LRRC4B: variants seen among roughly 807,000 people sequenced by gnomAD.
LRRC4B encodes the protein leucine rich repeat containing 4B, also known as leucine-rich repeat-containing protein 4B.
A neutral mutation model predicts 7.3 loss-of-function variants in LRRC4B; 1 was observed. That is an observed-to-expected ratio of 0.14 (90% CI 0.05 to 0.65). LRRC4B has a LOEUF of 0.65. Ranked by LOEUF, LRRC4B falls within the 30% of genes least tolerant of loss-of-function variation. The pLI, the probability that LRRC4B is intolerant of heterozygous loss-of-function variation, is 0.84. For missense variants in LRRC4B, 730 were observed against 1,041.6 expected (o/e 0.70, Z 4.12); for synonymous variants, 500 against 499.2 (o/e 1.00, Z -0.02).
intron 2 of LRRC4B, among the ~76,000 whole-genome samples, chr19:50,524,908 C>A (rs1980735928): frequency 1.3e-5 from 2 of 152,170 alleles, no homozygotes; most frequent in African/African-American, 2.4e-5. Context: ...GACACAGTCA[C>A]CTTTTGTCCA....
chr19:50,554,134 C>CA (rs1982194809), intron 1 of LRRC4B, among the ~76,000 whole-genome samples: 1 of 151,754 alleles, frequency 6.6e-6, no homozygotes, highest in South Asian at 2.1e-4. Context: ...GCTGAGACTA[C>CA]AGGCGCTCAC....
At chr19:50,522,968 G>C (rs1333600340) in intron 2 of LRRC4B, among the ~76,000 whole-genome samples, 2 of 152,240 alleles carry the variant, frequency 1.3e-5, no homozygotes, top group Admixed American at 1.3e-4. Context: ...TAGGCCCAGG[G>C]AGGTGCAGTG....
chr19:50,525,780 T>C lies in LRRC4B; in HGVS notation c.298-6365A>G, dbSNP rs373841099. 5.3e-5 allele frequency among the ~76,000 whole-genome samples: 8 copies of C among 152,010 alleles called. No individual in the cohort carries two copies. The East Asian group carries it at 5.8e-4, about 11-fold the overall frequency. On this transcript the variant is annotated intron_variant, in intron 2 of 2. Transcript: ENST00000652263. Reference sequence around the variant, plus strand: ...CAGGGCCGCCCCCATCCTGGCCCCCTGTCCTCCGACTCCCTGTTCCAGCCT... The same window carrying C: ...CAGGGCCGCCCCCATCCTGGCCCCCCGTCCTCCGACTCCCTGTTCCAGCCT...
At chr19:50,561,942 CAAAT>C (rs139268581) in intron 1 of LRRC4B, among the ~76,000 whole-genome samples, 12 of 147,706 alleles carry the variant, frequency 8.1e-5, no homozygotes, top group East Asian at 5.9e-4. Context: ...CCATAAAATA[CAAAT>C]AAATAAATAA....
chr19:50,546,187 T>C (rs1450009903), intron 2 of LRRC4B, among the ~76,000 whole-genome samples: 23 of 151,932 alleles, frequency 1.5e-4, no homozygotes, highest in Admixed American at 8.5e-4. Context: ...ATATAAAAAT[T>C]TGCTGAGCGT....
At position 50,565,761 on chromosome 19, in the gene LRRC4B, A is replaced by C. The variant is rs1005124064; in HGVS notation, c.-36+2183T>G. Among the ~76,000 whole-genome samples the C allele has an allele frequency of 4.6e-5, 7 of 150,768 alleles. No homozygotes were observed. The East Asian group carries it at 1.4e-3, about 30-fold the overall frequency. The stretch of plus-strand genomic sequence containing the variant: ...CCGCGGGTCTGTCCCACCCTCCCTG[A>C]GTCTGTGGCTCCCTGCGTCTCTGCC... On this transcript the variant is annotated intron_variant, in intron 1 of 2. Transcript: ENST00000652263.
At position 50,537,317 on chromosome 19, in the gene LRRC4B, CAG is replaced by C. The variant is rs527918377; in HGVS notation, c.297+11223_297+11224del. Among the ~76,000 whole-genome samples the C allele has an allele frequency of 1.8e-4, 28 of 152,314 alleles. No individual in the cohort carries two copies. Among genetic ancestry groups the C allele is most frequent in the African/African-American group, 6.5e-4 (27 of 41,566 alleles). On this transcript the variant is annotated intron_variant, in intron 2 of 2. Transcript: ENST00000652263. This position sits in a 1 kb window ranked among gnomAD's most constrained non-coding sequence, Gnocchi z 5.5. ...TAACATGAGAAGAATAGGACCTACT[CAG>C]GGGGCTGTCGTGAGGCTGAAATTCA...
At chr19:50,531,844 G>C (rs1485988262) in intron 2 of LRRC4B, among the ~76,000 whole-genome samples, 1 of 152,194 alleles carries the variant, frequency 6.6e-6, no homozygotes, top group Non-Finnish European at 1.5e-5. Flanking sequence ...GTGAGCGCTT[G>C]GGATGAGACA....
chr19:50,551,752 G>A (rs560175288), intron 1 of LRRC4B, among the ~76,000 whole-genome samples: 20 of 151,020 alleles, frequency 1.3e-4, no homozygotes, highest in African/African-American at 3.4e-4. Context: ...CTGTCTGTCC[G>A]TCTGTCTTGG....
At chr19:50,544,908 C>T (rs1364073931) in intron 2 of LRRC4B, among the ~76,000 whole-genome samples, 5 of 151,902 alleles carry the variant, frequency 3.3e-5, no homozygotes, top group African/African-American at 9.7e-5. Context: ...GAAAAAAAAT[C>T]GAGACCATCC....
chr19:50,540,183 C>T lies in LRRC4B; in HGVS notation c.297+8359G>A, dbSNP rs148195080. On this transcript the variant is annotated intron_variant, in intron 2 of 2. Transcript: ENST00000652263. ...CTGCATAATATTCCATTGTAATGGG[C>T]ACAGTGATTCATTGAACCCAGGGGT... is the stretch of plus-strand genomic sequence containing the variant. 6.3e-3 allele frequency among the ~76,000 whole-genome samples: 958 copies of T among 152,154 alleles called. 11 individuals carry two copies. The highest frequency in any genetic ancestry group is 0.021 in the African/African-American group (874 of 41,516).
At chr19:50,552,142 G>T (rs868481279) in intron 1 of LRRC4B, among the ~76,000 whole-genome samples, 63 of 152,140 alleles carry the variant, frequency 4.1e-4, no homozygotes, top group Non-Finnish European at 7.5e-4. Context: ...AGACAGCCTC[G>T]TTGGCTGCAT....
At position 50,519,232 on chromosome 19, in the gene LRRC4B, G is replaced by A. The variant is rs1980445336; in HGVS notation, c.481C>T (p.Arg161Trp). 6.2e-7 allele frequency: 1 copy of A among 1,614,110 alleles called. No individual in the cohort carries two copies. Among genetic ancestry groups the A allele is most frequent in the South Asian group, 1.1e-5 (1 of 91,084 alleles). Residue 161 changes from arginine to tryptophan, a missense_variant, in exon 3 of 3, where the codon CGG becomes TGG. Arg to Trp is a moderately radical substitution (Grantham distance 101, BLOSUM62 -3). This residue lies in a region of LRRC4B where 226 missense variants were observed against 448.0 expected (regional missense o/e 0.50). Transcript: ENST00000652263. This position sits in a 1 kb window ranked among gnomAD's most constrained non-coding sequence, Gnocchi z 8.1. The part of the protein sequence containing the change: ...TQAFEYLSKL[R>W]ELWLRNNPIE... ...GGGTTGTTCCGCAGCCAGAGCTCCC[G>A]CAGCTTGGACAGGTACTCGAAGGCC...
intron 2 of LRRC4B, among the ~76,000 whole-genome samples, chr19:50,525,659 A>G (rs547715490): frequency 6.7e-6 from 1 of 148,830 alleles, no homozygotes; most frequent in African/African-American, 2.5e-5. Flanking sequence ...ACCTCAGGTG[A>G]TCTGCCCAAC....
At chr19:50,564,822 C>T (rs1982573814) in intron 1 of LRRC4B, among the ~76,000 whole-genome samples, 2 of 151,986 alleles carry the variant, frequency 1.3e-5, no homozygotes, top group South Asian at 4.2e-4. Context: ...GGGTGGGGAC[C>T]CTGGCAAGAA....
chr19:50,527,764 T>C (rs1438666449), intron 2 of LRRC4B, among the ~76,000 whole-genome samples: 2 of 150,818 alleles, frequency 1.3e-5, no homozygotes, highest in Admixed American at 1.3e-4. Context: ...TTTTTTTTTT[T>C]TGAGTCTCGC....
Position 50,520,238 on chromosome 19 carries a change from AAAAAAAAAAGAAG to A in LRRC4B, c.298-836_298-824del, listed in dbSNP as rs1568716008. Among the ~76,000 whole-genome samples the A allele has an allele frequency of 4.5e-4, 30 of 66,710 alleles. 8 individuals are homozygous for A. The highest frequency in any genetic ancestry group is 8.3e-4 in the African/African-American group (13 of 15,708). 43.8% of individuals were successfully genotyped at this position (66,710 alleles called of 152,430 possible). A position where few individuals can be genotyped will look rare whatever the true frequency, so the allele number is the denominator to read the frequency against. ...AAAAAAAAAAAAAAAAAAAAAAAAAAAAAAAAAAAGAAGAAAAGAAAAGAAAAATGAACAAACA... is the reference window on the plus strand; with the variant it reads ...AAAAAAAAAAAAAAAAAAAAAAAAAAAAAAGAAAAGAAAAATGAACAAACA... On this transcript the variant is annotated intron_variant, in intron 2 of 2. Transcript: ENST00000652263.
At chr19:50,546,132 C>T (rs1195974783) in intron 2 of LRRC4B, among the ~76,000 whole-genome samples, 10 of 151,866 alleles carry the variant, frequency 6.6e-5, no homozygotes, top group Admixed American at 3.3e-4. Flanking sequence ...GTCAGGAGTT[C>T]GAGACCAGCC....
At chr19:50,527,963 G>A (rs1432527482) in intron 2 of LRRC4B, among the ~76,000 whole-genome samples, 10 of 151,716 alleles carry the variant, frequency 6.6e-5, no homozygotes, top group African/African-American at 2.2e-4. Context: ...GGATGGTCTC[G>A]ATCTCCTGAC....
Sources: allele counts gnomAD v4.1 joint callset (sites outside exome capture counted in the v4.1 genomes callset), GRCh38; gene constraint gnomAD v4.1.1; regional missense constraint gnomAD v4.1.1; non-coding constraint Gnocchi (gnomAD v3.1); transcripts MANE v1.5; gene names NCBI Gene and HGNC (gene_info 2026-07-23, HGNC 2026-07-21).